SH3KBP1: variants seen among roughly 807,000 people sequenced by gnomAD.
The protein encoded by SH3KBP1 is SH3 domain-containing kinase-binding protein 1.
A neutral mutation model predicts 50.1 loss-of-function variants in SH3KBP1; 8 were observed. That is an observed-to-expected ratio of 0.16 (90% CI 0.09 to 0.29). The LOEUF is 0.29. Ranked by LOEUF, SH3KBP1 falls within the 10% of genes least tolerant of loss-of-function variation. The probability of loss-of-function intolerance (pLI) is 1.00; values close to 1 mark genes in which losing one functional copy is unlikely to be tolerated. For synonymous variants in SH3KBP1, 227 were observed against 218.6 expected (o/e 1.04, Z -0.34); for missense variants, 377 against 535.2 (o/e 0.70, Z 2.92).
chrX:19,704,121 C>T (rs2063596198), intron 4 of SH3KBP1, among the ~76,000 whole-genome samples: 1 of 112,035 alleles, frequency 8.9e-6, no homozygotes, highest in African/African-American at 3.2e-5. Context: ...AAAGGCCAGC[C>T]TTTACGTTTT....
At chrX:19,793,313 A>AAAAAAAATATATAT (rs1418807395) in intron 2 of SH3KBP1, among the ~76,000 whole-genome samples, 2 of 96,985 alleles carry the variant, frequency 2.1e-5, no homozygotes, top group African/African-American at 3.9e-5. Flanking sequence ...AGGAAAAAAA[A>AAAAAAAATATATAT]ATATATATAT....
chrX:19,749,641 G>A (rs758666269), intron 2 of SH3KBP1, among the ~76,000 whole-genome samples: 2 of 112,464 alleles, frequency 1.8e-5, no homozygotes, highest in South Asian at 3.6e-4. Context: ...GTAGATTAGA[G>A]GTTACCTGAA....
chrX:19,567,389 T>C (rs1486214255), intron 13 of SH3KBP1, among the ~76,000 whole-genome samples: 1 of 102,003 alleles, frequency 9.8e-6, no homozygotes, highest in Non-Finnish European at 2.0e-5. Context: ...CATGGTGGCA[T>C]GTACCTGTGG....
chrX:19,551,305 C>T (rs142474222), intron 13 of SH3KBP1, among the ~76,000 whole-genome samples: 2,409 of 110,505 alleles, frequency 0.022, 76 homozygotes, highest in African/African-American at 0.076. Flanking sequence ...ATCAGTGGCG[C>T]TCTGAAGCCA....
Position 19,828,748 on chromosome X carries a change from C to A in SH3KBP1, c.162+7377G>T, listed in dbSNP as rs367980877. Among the ~76,000 whole-genome samples the A allele has an allele frequency of 3.6e-5, 4 of 111,515 alleles. No individual in the cohort carries two copies. In the East Asian group the frequency reaches 1.1e-3, roughly 31 times the overall value. ...ACAGTGAGCTATGATCCCACCCCTG[C>A]ACTCCAGCCTGGGTGGCAGAGCAAG... On this transcript the variant is annotated intron_variant, in intron 2 of 17. Coordinates refer to ENST00000397821, the MANE Select transcript of SH3KBP1 (RefSeq NM_031892.3).
chrX:19,635,416 T>C (rs1048850215), intron 7 of SH3KBP1, among the ~76,000 whole-genome samples: 2 of 104,193 alleles, frequency 1.9e-5, no homozygotes, highest in African/African-American at 7.0e-5. Context: ...CCAGGGCCTG[T>C]TGGGGGGTGG....
At chrX:19,608,556 G>A (rs1382740802) in intron 8 of SH3KBP1, among the ~76,000 whole-genome samples, 1 of 111,298 alleles carries the variant, frequency 9.0e-6, no homozygotes, top group Non-Finnish European at 1.9e-5. Context: ...TGATCCGCCC[G>A]CCTTGGCCTC....
rs756761186 is a variant in SH3KBP1, at chrX:19,693,779, A to G, written c.520+1833T>C. Among the ~76,000 whole-genome samples the G allele has an allele frequency of 2.7e-5, 3 of 111,701 alleles. No homozygotes were observed. In the South Asian group the frequency reaches 1.1e-3, roughly 42 times the overall value. On this transcript the variant is annotated intron_variant, in intron 5 of 17. Transcript: ENST00000397821. ...CCATATTACTGACTTGGAATGAGAG[A>G]AGTCAATTTGTTTCAATAGTTCTAA...
chrX:19,831,336 G>C (rs772493811), intron 2 of SH3KBP1, among the ~76,000 whole-genome samples: 39 of 104,310 alleles, frequency 3.7e-4, no homozygotes, highest in Non-Finnish European at 7.4e-4. Flanking sequence ...AGGATCACTT[G>C]AGCCTAGATC....
At chrX:19,857,436 C>T (rs887172042) in intron 1 of SH3KBP1, among the ~76,000 whole-genome samples, 3 of 110,670 alleles carry the variant, frequency 2.7e-5, no homozygotes, top group Non-Finnish European at 3.8e-5. Context: ...AAGAGACATT[C>T]CTGTGGCTGG....
intron 6 of SH3KBP1, among the ~76,000 whole-genome samples, chrX:19,649,436 G>A (rs752803005): frequency 1.1e-4 from 12 of 111,350 alleles, no homozygotes; most frequent in Non-Finnish European, 2.3e-4. Flanking sequence ...TCTGGGAAAG[G>A]ATGTGCATGT....
chrX:19,588,894 AAT>A, intron 11 of SH3KBP1, 92 bp from the exon 12 acceptor site: 1 of 787,423 alleles, frequency 1.3e-6, no homozygotes, highest in Non-Finnish European at 1.8e-6. Flanking sequence ...AAAAAAAAAA[AAT>A]TACTGATGCT....
At chrX:19,835,950 C>T (rs2068046480) in intron 2 of SH3KBP1, among the ~76,000 whole-genome samples, 175 bp downstream of exon 2, 1 of 110,929 alleles carries the variant, frequency 9.0e-6, no homozygotes, top group African/African-American at 3.3e-5. Flanking sequence ...AAAGCAATTT[C>T]AAAACAAGTA....
chrX:19,732,847 G>A (rs963127651), intron 3 of SH3KBP1, among the ~76,000 whole-genome samples: 1 of 111,160 alleles, frequency 9.0e-6, no homozygotes, highest in Non-Finnish European at 1.9e-5. Context: ...ATTCCTCTAC[G>A]TACCAGCAAT....
chrX:19,635,225 A>C (rs1290007308), intron 7 of SH3KBP1, among the ~76,000 whole-genome samples: 7 of 112,082 alleles, frequency 6.2e-5, no homozygotes, highest in Non-Finnish European at 1.9e-5. Context: ...TACACCATGG[A>C]ATACTATGCA....
At chrX:19,691,760 G>A (rs1046300293) in intron 5 of SH3KBP1, among the ~76,000 whole-genome samples, 1 of 111,427 alleles carries the variant, frequency 9.0e-6, no homozygotes, top group Non-Finnish European at 1.9e-5. Context: ...GTGACCATGT[G>A]TTTAATTATT....
chrX:19,672,468 G>A (rs2062822151), intron 6 of SH3KBP1, among the ~76,000 whole-genome samples: 1 of 111,290 alleles, frequency 9.0e-6, no homozygotes, highest in Non-Finnish European at 1.9e-5. Context: ...CATCTATAGC[G>A]ATAAGTATGG....
intron 8 of SH3KBP1, among the ~76,000 whole-genome samples, chrX:19,618,761 A>AG (rs1180681045): frequency 1.8e-5 from 2 of 109,292 alleles, no homozygotes; most frequent in Admixed American, 2.0e-4. Context: ...GGATCACTTG[A>AG]GTCTAGGAGT....
chrX:19,636,745 A>T (rs2061712850), intron 7 of SH3KBP1, among the ~76,000 whole-genome samples: 1 of 112,262 alleles, frequency 8.9e-6, no homozygotes, highest in Non-Finnish European at 1.9e-5. Flanking sequence ...CAGAACCAAC[A>T]GAATAAATAT....
Sources: allele counts gnomAD v4.1 joint callset (sites outside exome capture counted in the v4.1 genomes callset), GRCh38; gene constraint gnomAD v4.1.1; transcripts MANE v1.5; gene names NCBI Gene and HGNC (gene_info 2026-07-23, HGNC 2026-07-21).